LNPK: variants seen among roughly 807,000 people sequenced by gnomAD.
The protein encoded by LNPK is lunapark, ER junction formation factor, also known as endoplasmic reticulum junction formation protein lunapark.
LNPK carries 29 observed loss-of-function variants against 55.2 expected under a neutral mutation model. That is an observed-to-expected ratio of 0.53 (90% CI 0.39 to 0.72). LNPK has a LOEUF of 0.72. LNPK is among the 30% of genes least tolerant of loss of function. The pLI is 0.00. For missense variants in LNPK, 467 were observed against 494.8 expected (o/e 0.94, Z 0.53); for synonymous variants, 162 against 168.2 (o/e 0.96, Z 0.29).
At chr2:175,954,767 A>T (rs1469548373) in intron 8 of LNPK, among the ~76,000 whole-genome samples, 1 of 152,212 alleles carries the variant, frequency 6.6e-6, no homozygotes, top group Non-Finnish European at 1.5e-5. Flanking sequence ...AAATACAGCA[A>T]TGCCAAAATA....
intron 4 of LNPK, among the ~76,000 whole-genome samples, chr2:175,982,530 T>C (rs182041930): frequency 2.6e-5 from 4 of 152,254 alleles, no homozygotes; most frequent in Admixed American, 2.6e-4. Context: ...TTATTTTTCT[T>C]TAGGGCTAAA....
chr2:175,940,604 T>C (rs1684786706), intron 9 of LNPK, among the ~76,000 whole-genome samples: 1 of 151,980 alleles, frequency 6.6e-6, no homozygotes. Flanking sequence ...TAAGGTAAAA[T>C]TCACAATCTC....
intron 9 of LNPK, among the ~76,000 whole-genome samples, chr2:175,940,721 T>C (rs1037985667): frequency 2.6e-5 from 4 of 152,280 alleles, no homozygotes; most frequent in Non-Finnish European, 4.4e-5. Context: ...ACTGAATTAG[T>C]ACACAATATT....
At chr2:175,950,007 T>C (rs1685322737) in intron 8 of LNPK, among the ~76,000 whole-genome samples, 1 of 152,104 alleles carries the variant, frequency 6.6e-6, no homozygotes, top group Non-Finnish European at 1.5e-5. Context: ...ATATTAGATA[T>C]GTTCAACATT....
At chr2:175,974,126 T>C (rs1333017495) in intron 5 of LNPK, among the ~76,000 whole-genome samples, 2 of 152,312 alleles carry the variant, frequency 1.3e-5, no homozygotes, top group Non-Finnish European at 2.9e-5. Context: ...GTAGTTAGTA[T>C]GGTAATGTCA....
intron 8 of LNPK, among the ~76,000 whole-genome samples, chr2:175,957,510 C>T (rs567477798): frequency 6.6e-6 from 1 of 151,812 alleles, no homozygotes; most frequent in East Asian, 1.9e-4. Flanking sequence ...CTCTTGCCTA[C>T]TCATGGACAG....
At chr2:175,990,248 T>G (rs935256778) in intron 4 of LNPK, among the ~76,000 whole-genome samples, 1 of 152,282 alleles carries the variant, frequency 6.6e-6, no homozygotes, top group Middle Eastern at 3.4e-3. Flanking sequence ...ATGTCCTCCC[T>G]GGGGCATGGC....
intron 8 of LNPK, among the ~76,000 whole-genome samples, chr2:175,956,263 G>C (rs187939144): frequency 7.0e-6 from 1 of 142,932 alleles, no homozygotes. Flanking sequence ...CTGGGTGACA[G>C]TGAGACCATG....
At chr2:175,951,661 A>G (rs1210361440) in intron 8 of LNPK, among the ~76,000 whole-genome samples, 2 of 147,000 alleles carry the variant, frequency 1.4e-5, no homozygotes, top group African/African-American at 5.1e-5. Flanking sequence ...TTGGTTCCAC[A>G]TTTTTGTGAT....
intron 8 of LNPK, among the ~76,000 whole-genome samples, chr2:175,963,748 A>C (rs1413430258): frequency 6.6e-6 from 1 of 151,880 alleles, no homozygotes; most frequent in Non-Finnish European, 1.5e-5. Context: ...CAAAGACAAA[A>C]GTCATTGCAA....
At chr2:175,947,922 C>G (rs1252629590) in intron 8 of LNPK, among the ~76,000 whole-genome samples, 1 of 152,158 alleles carries the variant, frequency 6.6e-6, no homozygotes, top group East Asian at 1.9e-4. Context: ...AGTGTAGCTA[C>G]TGATACCACT....
chr2:175,996,854 T>C (rs916501739), intron 1 of LNPK, among the ~76,000 whole-genome samples: 1 of 152,194 alleles, frequency 6.6e-6, no homozygotes, highest in East Asian at 1.9e-4. Flanking sequence ...TGGACAATGA[T>C]TACACAAATT....
chr2:175,960,027 A>T (rs1414221324), intron 8 of LNPK, among the ~76,000 whole-genome samples: 1 of 152,204 alleles, frequency 6.6e-6, no homozygotes. Flanking sequence ...CTAAATATAT[A>T]TGCACCCAAC....
At chr2:175,981,821 C>T (rs1204194799) in intron 4 of LNPK, among the ~76,000 whole-genome samples, 4 of 152,160 alleles carry the variant, frequency 2.6e-5, no homozygotes, top group African/African-American at 2.4e-5. Context: ...ACAAAAGATC[C>T]TGAGATAGAA....
intron 6 of LNPK, among the ~76,000 whole-genome samples, chr2:175,966,010 T>C (rs1324350991): frequency 6.6e-6 from 1 of 152,236 alleles, no homozygotes; most frequent in Non-Finnish European, 1.5e-5. Context: ...CCCTATGTGA[T>C]AAATGAGCAC....
chr2:175,958,053 C>T (rs1007045833), intron 8 of LNPK, among the ~76,000 whole-genome samples: 1 of 152,202 alleles, frequency 6.6e-6, no homozygotes, highest in African/African-American at 2.4e-5. Context: ...GCAAAGGGGC[C>T]AGGAAGCTCG....
chr2:175,979,788 T>C (rs1369919123), intron 5 of LNPK, 22 bp downstream of exon 5: 1 of 1,491,626 alleles, frequency 6.7e-7, no homozygotes, highest in African/African-American at 1.4e-5. Flanking sequence ...AAATATTTAT[T>C]AAAAATTGGA....
intron 6 of LNPK, among the ~76,000 whole-genome samples, chr2:175,968,874 C>T (rs544355193): frequency 1.4e-4 from 22 of 152,094 alleles, no homozygotes; most frequent in African/African-American, 5.3e-4. Flanking sequence ...CAAAATTAGC[C>T]AGGTGTGGTG....
At chr2:175,964,177 T>G (rs570626452) in intron 8 of LNPK, among the ~76,000 whole-genome samples, 195 bp downstream of exon 8, 5 of 152,278 alleles carry the variant, frequency 3.3e-5, no homozygotes, top group Admixed American at 6.5e-5. Flanking sequence ...ACATCCTAAC[T>G]TAACATATTC....
Sources: gnomAD v4.1 joint callset for allele counts (sites outside exome capture counted in the v4.1 genomes callset) on GRCh38, gnomAD v4.1.1 for gene constraint, MANE v1.5 for transcripts, NCBI Gene and HGNC (gene_info 2026-07-23, HGNC 2026-07-21) for gene names.